B3GALT1: variants seen among roughly 807,000 people sequenced by gnomAD.
B3GALT1 encodes UDP-Gal:betaGlcNAc beta 1,3-galactosyltransferase, polypeptide 1.
B3GALT1 carries 10 observed loss-of-function variants against 23.2 expected under a neutral mutation model. The observed-to-expected ratio is 0.43, with a 90% CI of 0.27 to 0.73. The LOEUF (loss-of-function observed/expected upper bound fraction) is 0.73, where lower values mean the gene tolerates loss of function less well. B3GALT1 is among the 30% of genes least tolerant of loss of function. The pLI, the probability that B3GALT1 is intolerant of heterozygous loss-of-function variation, is 0.21. For synonymous variants in B3GALT1, 156 were observed against 141.5 expected, an observed-to-expected ratio of 1.10 and a Z score of -0.73; for missense variants, 299 against 405.4, an observed-to-expected ratio of 0.74 and a Z score of 2.25.
intron 3 of B3GALT1, among the ~76,000 whole-genome samples, chr2:167,680,549 C>G (rs17642132): frequency 0.22 from 33,256 of 147,946 alleles, 4,351 homozygotes; most frequent in Middle Eastern, 0.31. Context: ...AAAACCTATT[C>G]CCTCTATTTT....
rs182411415 is a variant in B3GALT1, at chr2:167,666,128, C to T, written c.-352+19162C>T. Reference sequence around the variant, plus strand: ...CTCTACACACTGCTTTGAATGCATCCCAGAGATTCTGGTATGTAGTGTCTT... The same window carrying T: ...CTCTACACACTGCTTTGAATGCATCTCAGAGATTCTGGTATGTAGTGTCTT... On this transcript the variant is annotated intron_variant, in intron 3 of 4. Coordinates refer to ENST00000392690, the MANE Select transcript of B3GALT1 (RefSeq NM_020981.4). Among the ~76,000 whole-genome samples, 22 of 152,224 alleles carry T rather than the reference C, an allele frequency of 1.4e-4. 1 individual carries two copies. Among genetic ancestry groups the T allele is most frequent in the African/African-American group, 4.3e-4 (18 of 41,536 alleles).
chr2:167,687,653 A>G (rs1416390343), intron 3 of B3GALT1, among the ~76,000 whole-genome samples: 3 of 152,198 alleles, frequency 2.0e-5, no homozygotes, highest in Admixed American at 6.5e-5. Flanking sequence ...AAAATAAAAA[A>G]CAAATATGCT....
intron 1 of B3GALT1, among the ~76,000 whole-genome samples, chr2:167,308,865 C>G (rs986723391): frequency 6.6e-6 from 1 of 151,970 alleles, no homozygotes; most frequent in African/African-American, 2.4e-5. Context: ...CCAAAAATAT[C>G]TAAAACAATG....
At chr2:167,849,331 T>A (rs1689823423) in intron 4 of B3GALT1, among the ~76,000 whole-genome samples, 1 of 152,144 alleles carries the variant, frequency 6.6e-6, no homozygotes. Flanking sequence ...TTTTAAACTA[T>A]ACTATAAGGC....
chr2:167,712,309 G>C (rs571641152), intron 3 of B3GALT1, among the ~76,000 whole-genome samples: 1 of 152,196 alleles, frequency 6.6e-6, no homozygotes, highest in Non-Finnish European at 1.5e-5. Flanking sequence ...GCCATGGTAG[G>C]TAGCCATACC....
chr2:167,807,511 T>G (rs1688779747), intron 3 of B3GALT1, among the ~76,000 whole-genome samples: 1 of 152,032 alleles, frequency 6.6e-6, no homozygotes, highest in South Asian at 2.1e-4. Flanking sequence ...TCTGGTATGT[T>G]GTGTCTTTGT....
chr2:167,449,065 C>T (rs1699048478), intron 1 of B3GALT1, among the ~76,000 whole-genome samples: 1 of 151,844 alleles, frequency 6.6e-6, no homozygotes, highest in African/African-American at 2.4e-5. Flanking sequence ...GCTTAGTCTT[C>T]CTTTGGTTCT....
chr2:167,818,841 G>GC (rs1689048922), intron 4 of B3GALT1, among the ~76,000 whole-genome samples, 48 bp downstream of exon 4: 1 of 152,138 alleles, frequency 6.6e-6, no homozygotes, highest in South Asian at 2.1e-4. Context: ...CAGTTATGCA[G>GC]CCCAGCGTCG....
rs115049888 is a variant in B3GALT1 at position 167,746,265 on chromosome 2, A to T, written c.-351-72407A>T. ...GTGCCCTTCCAAGTCTTATATGAGG[A>T]CATTATTTTTTCTTTTTAAAAGACA... On this transcript the variant is annotated intron_variant, in intron 3 of 4. Coordinates refer to ENST00000392690, the MANE Select transcript of B3GALT1 (RefSeq NM_020981.4). Among the ~76,000 whole-genome samples, 1,107 of 152,340 alleles carry T rather than the reference A, an allele frequency of 7.3e-3. 17 individuals are homozygous for T. The highest frequency in any genetic ancestry group is 0.025 in the African/African-American group (1,045 of 41,576).
intron 3 of B3GALT1, among the ~76,000 whole-genome samples, chr2:167,811,559 T>C (rs763552351): frequency 2.6e-5 from 4 of 152,322 alleles, no homozygotes; most frequent in South Asian, 2.1e-4. Context: ...TTGCTTGCCA[T>C]GTACAACTTC....
chr2:167,529,287 C>A (rs1683278683), intron 2 of B3GALT1, among the ~76,000 whole-genome samples: 1 of 151,986 alleles, frequency 6.6e-6, no homozygotes, highest in South Asian at 2.1e-4. Context: ...CCAGACTAAA[C>A]CTTTGATCCC....
At chr2:167,490,326 A>G (rs1198670716) in intron 2 of B3GALT1, 49 bp downstream of exon 2, 1 of 152,194 alleles carries the variant, frequency 6.6e-6, no homozygotes, top group African/African-American at 2.4e-5. Context: ...TATTTACAAA[A>G]CTGTGATATA....
At chr2:167,867,442 T>C (rs770760173) in intron 4 of B3GALT1, among the ~76,000 whole-genome samples, 3 of 152,154 alleles carry the variant, frequency 2.0e-5, no homozygotes, top group Non-Finnish European at 4.4e-5. Context: ...GTCAAGCTGC[T>C]TGAAGCCATT....
chr2:167,817,648 C>CA (rs1689021739), intron 3 of B3GALT1, among the ~76,000 whole-genome samples: 3 of 152,262 alleles, frequency 2.0e-5, no homozygotes, highest in Admixed American at 1.3e-4. Flanking sequence ...CACATGGGGC[C>CA]ACACTGCTGA....
chr2:167,295,760 TGTGTGTAC>T (rs1696339846), intron 1 of B3GALT1, among the ~76,000 whole-genome samples: 1 of 135,174 alleles, frequency 7.4e-6, no homozygotes, highest in Non-Finnish European at 1.5e-5. Flanking sequence ...TTTAAGGTTG[TGTGTGTAC>T]GTGTGTGTGT....
At chr2:167,427,998 A>G (rs1240035930) in intron 1 of B3GALT1, among the ~76,000 whole-genome samples, 1 of 152,228 alleles carries the variant, frequency 6.6e-6, no homozygotes. Context: ...CTCCTAATGC[A>G]ATAAAGTGCA....
chr2:167,459,126 A>G lies in B3GALT1; in HGVS notation c.-510-31051A>G, dbSNP rs554302054. ...TTTACATTTAAAGTAATTAGTGTCA[A>G]TGAGAGAGTTAATTCTGTCATTTTT... On this transcript the variant is annotated intron_variant, in intron 1 of 4. Transcript: ENST00000392690. 5.9e-5 allele frequency among the ~76,000 whole-genome samples: 9 copies of G among 152,282 alleles called. No individual in the cohort carries two copies. The South Asian group carries it at 1.9e-3, about 32-fold the overall frequency.
chr2:167,753,602 C>T (rs1404997949), intron 3 of B3GALT1, among the ~76,000 whole-genome samples: 1 of 152,202 alleles, frequency 6.6e-6, no homozygotes, highest in Non-Finnish European at 1.5e-5. Context: ...CTCCTCCTCC[C>T]TGCCCGTGAA....
intron 2 of B3GALT1, among the ~76,000 whole-genome samples, chr2:167,576,698 T>C (rs1684395337): frequency 6.6e-6 from 1 of 151,696 alleles, no homozygotes; most frequent in African/African-American, 2.4e-5. Context: ...TTTATTAGCA[T>C]TGATCATTTG....
Sources: allele counts gnomAD v4.1 joint callset (sites outside exome capture counted in the v4.1 genomes callset), GRCh38; gene constraint gnomAD v4.1.1; transcripts MANE v1.5; gene names NCBI Gene and HGNC (gene_info 2026-07-23, HGNC 2026-07-21).